Variants in GRB10 observed in about 807,000 individuals in gnomAD.
GRB10 encodes the protein growth factor receptor-bound protein 10.
In GRB10, 20 loss-of-function variants were observed where a neutral mutation model predicts 80.9. The ratio of observed to expected loss-of-function variants is 0.25; its 90% confidence interval spans 0.17 to 0.36. GRB10 has a LOEUF of 0.36. Among genes scored for constraint, GRB10 ranks in the 10% least tolerant of loss-of-function variants. The pLI, the probability that GRB10 is intolerant of heterozygous loss-of-function variation, is 1.00. For missense variants in GRB10, 548 were observed against 747.7 expected, an observed-to-expected ratio of 0.73 and a Z score of 3.12; for synonymous variants, 291 against 291.5, an observed-to-expected ratio of 1.00 and a Z score of 0.02.
At chr7:50,660,250 G>A (rs531067915) in intron 7 of GRB10, among the ~76,000 whole-genome samples, 4 of 152,238 alleles carry the variant, frequency 2.6e-5, no homozygotes, top group South Asian at 2.1e-4. Context: ...CTGCGGTGCC[G>A]CATTCAAATG....
chr7:50,673,977 CT>C (rs2060627466), intron 6 of GRB10, among the ~76,000 whole-genome samples: 1 of 152,170 alleles, frequency 6.6e-6, no homozygotes, highest in South Asian at 2.1e-4. Context: ...GTGCCTACCC[CT>C]GAATTAGCAG....
At chr7:50,682,964 G>A (rs890370516) in intron 5 of GRB10, among the ~76,000 whole-genome samples, 1 of 152,114 alleles carries the variant, frequency 6.6e-6, no homozygotes, top group African/African-American at 2.4e-5. Context: ...TTTTTAAAAA[G>A]TAAAAGCAGG....
chr7:50,649,564 T>C (rs1300260104), intron 7 of GRB10, among the ~76,000 whole-genome samples: 1 of 152,214 alleles, frequency 6.6e-6, no homozygotes, highest in Non-Finnish European at 1.5e-5. Flanking sequence ...TTGGATTTAA[T>C]TCTGGGTGTG....
At chr7:50,626,540 G>A (rs1047126686) in intron 8 of GRB10, among the ~76,000 whole-genome samples, 4 of 152,186 alleles carry the variant, frequency 2.6e-5, no homozygotes, top group Admixed American at 1.3e-4. Context: ...TCTGACAGCT[G>A]GGGAGGCTGG....
chr7:50,604,997 A>C (rs2048279097), intron 15 of GRB10: 3 of 422,792 alleles, frequency 7.1e-6, no homozygotes, highest in Non-Finnish European at 1.3e-5. Flanking sequence ...AGCCACTGCC[A>C]GTTCATCAGC....
At chr7:50,646,270 G>A (rs1389932522) in intron 7 of GRB10, among the ~76,000 whole-genome samples, 2 of 152,152 alleles carry the variant, frequency 1.3e-5, no homozygotes, top group South Asian at 2.1e-4. Context: ...CCTTGTTTCC[G>A]GGAGCTGTTC....
intron 5 of GRB10, among the ~76,000 whole-genome samples, chr7:50,683,446 G>GT (rs1563429408): frequency 1.3e-5 from 2 of 152,182 alleles, no homozygotes; most frequent in African/African-American, 4.8e-5. Context: ...TTTAAAAATG[G>GT]TAAGGATGGG....
chr7:50,633,887 G>C (rs976668065), intron 7 of GRB10, among the ~76,000 whole-genome samples: 1 of 152,140 alleles, frequency 6.6e-6, no homozygotes, highest in African/African-American at 2.4e-5. Flanking sequence ...AAGCCTTTGA[G>C]AAATGTAAGA....
At chr7:50,770,649 C>G (rs1280927273) in intron 2 of GRB10, among the ~76,000 whole-genome samples, 2 of 152,176 alleles carry the variant, frequency 1.3e-5, no homozygotes, top group African/African-American at 2.4e-5. Context: ...TTCTAGAGGC[C>G]AAATAGCATA....
chr7:50,623,947 C>A (rs112296985), intron 8 of GRB10, among the ~76,000 whole-genome samples: 97 of 152,244 alleles, frequency 6.4e-4, no homozygotes, highest in Non-Finnish European at 1.3e-3. Flanking sequence ...CAAAACATTT[C>A]AGATTTTAGA....
At position 50,606,416 on chromosome 7, in the gene GRB10, T is replaced by C; in HGVS notation, c.1195-2A>G. 1 of 1,612,998 alleles carries C rather than the reference T, an allele frequency of 6.2e-7. No individual in the cohort carries two copies. Among genetic ancestry groups the C allele is most frequent in the Non-Finnish European group, 8.5e-7 (1 of 1,179,008 alleles). On this transcript the variant is annotated splice_acceptor_variant, in intron 13 of 18. Coordinates refer to ENST00000401949, the MANE Select transcript of GRB10 (RefSeq NM_001350814.2). LOFTEE classifies it high-confidence loss of function. ...ATTCTGGTAAAGGAGCATTCCATAC[T>C]GGAGAGGAGAAGCCACAGTTAGTCA... is the stretch of plus-strand genomic sequence containing the variant.
At chr7:50,595,608 C>CACAT (rs2046508572) in intron 17 of GRB10, 78 bp from the exon 18 acceptor site, 11 of 678,784 alleles carry the variant, frequency 1.6e-5, no homozygotes, top group Non-Finnish European at 3.0e-5. Context: ...CTCTTACACA[C>CACAT]ACACACACAC....
chr7:50,740,668 C>T (rs1286328657), intron 3 of GRB10, among the ~76,000 whole-genome samples: 1 of 141,692 alleles, frequency 7.1e-6, no homozygotes, highest in Non-Finnish European at 1.5e-5. Flanking sequence ...ATAATAAAAA[C>T]ATTAAAAGAA....
intron 3 of GRB10, among the ~76,000 whole-genome samples, chr7:50,749,535 C>T (rs1174816956): frequency 2.0e-5 from 3 of 152,154 alleles, no homozygotes; most frequent in Non-Finnish European, 4.4e-5. Flanking sequence ...CCACACTCAT[C>T]CTATATTACC....
At chr7:50,605,200 C>A in intron 15 of GRB10, 90 bp downstream of exon 15, 1 of 972,762 alleles carries the variant, frequency 1.0e-6, no homozygotes. Context: ...CTTGCCAACC[C>A]GCATAGAGCT....
At chr7:50,711,133 C>G in intron 4 of GRB10, 1 of 457,554 alleles carries the variant, frequency 2.2e-6, no homozygotes, top group Non-Finnish European at 4.0e-6. Context: ...TAACAGGGAT[C>G]AACTTTAAAC....
intron 1 of GRB10, among the ~76,000 whole-genome samples, chr7:50,788,949 G>A (rs976643202): frequency 6.6e-6 from 1 of 152,182 alleles, no homozygotes; most frequent in African/African-American, 2.4e-5. Context: ...CTTACGCACT[G>A]CAGGGGTCTT....
At chr7:50,755,718 G>A (rs1228544455) in intron 3 of GRB10, among the ~76,000 whole-genome samples, 169 bp downstream of exon 3, 1 of 152,324 alleles carries the variant, frequency 6.6e-6, no homozygotes, top group East Asian at 1.9e-4. Context: ...AGGAGAGGGA[G>A]AGAGAGGACA....
rs575840471 is a variant in GRB10 at position 50,699,350 on chromosome 7, G to A, written c.139+4471C>T. 3.9e-5 allele frequency among the ~76,000 whole-genome samples: 6 copies of A among 152,304 alleles called. No homozygotes were observed. In the East Asian group the frequency reaches 1.2e-3, roughly 29 times the overall value. ...GATGTTCATGAACATGACTCTAACA[G>A]TTTTCCATTATGTATGATGCAATGT... On this transcript the variant is annotated intron_variant, in intron 5 of 18. Coordinates refer to ENST00000401949, the MANE Select transcript of GRB10 (RefSeq NM_001350814.2).
Sources: gnomAD v4.1 joint callset for allele counts (sites outside exome capture counted in the v4.1 genomes callset) on GRCh38, gnomAD v4.1.1 for gene constraint, MANE v1.5 for transcripts, NCBI Gene and HGNC (gene_info 2026-07-23, HGNC 2026-07-21) for gene names.